Variants in UBE2D2 observed in about 807,000 individuals in gnomAD.
The protein encoded by UBE2D2 is ubiquitin conjugating enzyme E2 D2, also known as ubiquitin-conjugating enzyme E2 D2.
A neutral mutation model predicts 24.2 loss-of-function variants in UBE2D2; 2 were observed. That is an observed-to-expected ratio of 0.08 (90% CI 0.03 to 0.26). UBE2D2 has a LOEUF of 0.26. UBE2D2 is among the 10% of genes least tolerant of loss of function. The pLI is 1.00. For missense variants in UBE2D2, 44 were observed against 177.6 expected, an observed-to-expected ratio of 0.25 and a Z score of 4.28; for synonymous variants, 58 against 56.5, an observed-to-expected ratio of 1.03 and a Z score of -0.12.
chr5:139,593,422 T>C (rs1753888606), intron 1 of UBE2D2, among the ~76,000 whole-genome samples: 1 of 152,140 alleles, frequency 6.6e-6, no homozygotes, highest in Non-Finnish European at 1.5e-5. Context: ...TCTTATAAAA[T>C]TGGGAATAGG....
At chr5:139,541,069 G>A (rs1022767809) in intron 1 of UBE2D2, among the ~76,000 whole-genome samples, 1 of 151,966 alleles carries the variant, frequency 6.6e-6, no homozygotes, top group Non-Finnish European at 1.5e-5. Context: ...AGGCTAAGGC[G>A]GGTGGATTGT....
At chr5:139,590,443 T>TAA (rs1035963843) in intron 1 of UBE2D2, among the ~76,000 whole-genome samples, 21 of 95,040 alleles carry the variant, frequency 2.2e-4, no homozygotes, top group Admixed American at 1.5e-3. Context: ...TCAAAAAAAA[T>TAA]AAAAAAAAAA....
chr5:139,617,469 C>T (rs898108184), intron 5 of UBE2D2, among the ~76,000 whole-genome samples: 6 of 150,132 alleles, frequency 4.0e-5, no homozygotes, highest in South Asian at 2.1e-4. Flanking sequence ...CTCCGCCTCC[C>T]GGGTTCAAGC....
At chr5:139,543,112 G>A (rs944064786) in intron 1 of UBE2D2, among the ~76,000 whole-genome samples, 31 of 151,848 alleles carry the variant, frequency 2.0e-4, no homozygotes, top group Non-Finnish European at 3.1e-4. Flanking sequence ...GGTCAGGCTG[G>A]TCTCGAACTC....
intron 1 of UBE2D2, among the ~76,000 whole-genome samples, chr5:139,551,902 A>G (rs771143765): frequency 1.3e-5 from 2 of 152,236 alleles, no homozygotes; most frequent in South Asian, 2.1e-4. Context: ...TTTTTTACTT[A>G]GCAATTTCAA....
intron 1 of UBE2D2, among the ~76,000 whole-genome samples, chr5:139,595,193 A>G (rs372794495): frequency 6.6e-6 from 1 of 152,336 alleles, no homozygotes; most frequent in Admixed American, 6.5e-5. Context: ...GCCAACTGTT[A>G]AAACACAGCC....
At chr5:139,619,974 G>A (rs1754484160) in intron 5 of UBE2D2, among the ~76,000 whole-genome samples, 1 of 152,184 alleles carries the variant, frequency 6.6e-6, no homozygotes, top group African/African-American at 2.4e-5. Context: ...AGAAGGCAAA[G>A]GGGGAGCCAC....
chr5:139,531,455 A>T (rs1245739323), intron 1 of UBE2D2, among the ~76,000 whole-genome samples: 1 of 152,064 alleles, frequency 6.6e-6, no homozygotes, highest in Admixed American at 6.6e-5. Context: ...GAAATTGTGC[A>T]CTCGGGGAGA....
intron 1 of UBE2D2, among the ~76,000 whole-genome samples, chr5:139,555,986 C>T (rs1280214050): frequency 2.7e-5 from 4 of 148,602 alleles, no homozygotes. Flanking sequence ...CCTGTAATCC[C>T]AGCACTTCGG....
rs578069256 is a variant in UBE2D2 at position 139,541,257 on chromosome 5, C to T, written c.-64+14645C>T. Among the ~76,000 whole-genome samples, 6 of 151,254 alleles carry T rather than the reference C, an allele frequency of 4.0e-5. No individual in the cohort carries two copies. In the East Asian group the frequency reaches 1.2e-3, roughly 29 times the overall value. ...AGGTTGCAGTGAACTGAGATCTGGC[C>T]ATTGTACTCCAGCCTGGGCCACAAA... On this transcript the variant is annotated intron_variant, in intron 1 of 6. Coordinates refer to the UBE2D2 transcript ENST00000511725.
At chr5:139,550,602 T>G (rs1752901326) in intron 1 of UBE2D2, among the ~76,000 whole-genome samples, 1 of 152,026 alleles carries the variant, frequency 6.6e-6, no homozygotes, top group African/African-American at 2.4e-5. Flanking sequence ...ATCTTTGAGA[T>G]AACTTGCTGC....
At position 139,541,373 on chromosome 5, in the gene UBE2D2, G is replaced by A. The variant is rs147177684; in HGVS notation, c.-64+14761G>A. 7.8e-3 allele frequency among the ~76,000 whole-genome samples: 1,175 copies of A among 151,046 alleles called. 9 individuals are homozygous for A. Among genetic ancestry groups the A allele is most frequent in the Middle Eastern group, 0.041 (12 of 290 alleles). On this transcript the variant is annotated intron_variant, in intron 1 of 6. Transcript: ENST00000511725. ...TCCCAGCACTTTGGGAGGCCGAGGT[G>A]GGCGGATCACAAGTTCAGGAGTTCG...
chr5:139,622,856 C>G (rs1003383135), intron 5 of UBE2D2, among the ~76,000 whole-genome samples: 1 of 151,834 alleles, frequency 6.6e-6, no homozygotes, highest in Admixed American at 6.6e-5. Context: ...CGCCGCGCCA[C>G]TGCACTCCAG....
intron 1 of UBE2D2, among the ~76,000 whole-genome samples, chr5:139,552,144 G>C (rs2126639887): frequency 1.3e-5 from 2 of 151,796 alleles, no homozygotes; most frequent in Middle Eastern, 3.4e-3. Context: ...GCCTCTAATA[G>C]ATAAGCTCTA....
At chr5:139,553,674 C>A (rs1334656719) in intron 1 of UBE2D2, among the ~76,000 whole-genome samples, 1 of 151,982 alleles carries the variant, frequency 6.6e-6, no homozygotes, top group Non-Finnish European at 1.5e-5. Context: ...TTATATAAGG[C>A]CTGAAAATTC....
chr5:139,602,376 C>T (rs1754097520), intron 2 of UBE2D2, among the ~76,000 whole-genome samples: 1 of 152,110 alleles, frequency 6.6e-6, no homozygotes, highest in Non-Finnish European at 1.5e-5. Flanking sequence ...CCTGATTTTT[C>T]TTAATAATGT....
At chr5:139,559,484 T>G (rs903352880), upstream of UBE2D2, among the ~76,000 whole-genome samples, 3 of 152,074 alleles carry the variant, frequency 2.0e-5, no homozygotes, top group African/African-American at 7.2e-5. Context: ...CCATCACATT[T>G]CTTAGGAAGA....
upstream of UBE2D2, among the ~76,000 whole-genome samples, chr5:139,557,591 A>G (rs1207146227): frequency 6.6e-6 from 1 of 152,018 alleles, no homozygotes; most frequent in Non-Finnish European, 1.5e-5. Flanking sequence ...CTACTAAAAA[A>G]TACAAAAATT....
At chr5:139,593,699 A>T (rs1753901887) in intron 1 of UBE2D2, among the ~76,000 whole-genome samples, 1 of 151,744 alleles carries the variant, frequency 6.6e-6, no homozygotes, top group African/African-American at 2.4e-5. Flanking sequence ...GCAGCCTTGA[A>T]CTCCTGGGCT....
Sources: allele counts gnomAD v4.1 joint callset (sites outside exome capture counted in the v4.1 genomes callset), GRCh38; gene constraint gnomAD v4.1.1; transcripts MANE v1.5; gene names NCBI Gene and HGNC (gene_info 2026-07-23, HGNC 2026-07-21).